EXOC4: variants seen among roughly 807,000 people sequenced by gnomAD.
EXOC4 encodes exocyst complex component 4.
In EXOC4, 71 loss-of-function variants were observed where a neutral mutation model predicts 107.2. That is an observed-to-expected ratio of 0.66 (90% CI 0.55 to 0.81). The LOEUF (loss-of-function observed/expected upper bound fraction) is 0.81. EXOC4 is among the 30% of genes least tolerant of loss of function. The pLI, the probability that EXOC4 is intolerant of heterozygous loss-of-function variation, is 0.00. For synonymous variants in EXOC4, 456 were observed against 441.2 expected (o/e 1.03, Z -0.42); for missense variants, 1,108 against 1,189.6 (o/e 0.93, Z 1.01).
At chr7:133,390,962 A>G (rs541652066) in intron 7 of EXOC4, among the ~76,000 whole-genome samples, 2 of 152,180 alleles carry the variant, frequency 1.3e-5, no homozygotes, top group East Asian at 3.8e-4. Flanking sequence ...CCTTCTTCAC[A>G]GGGGAATTGT....
intron 14 of EXOC4, among the ~76,000 whole-genome samples, chr7:133,971,225 A>T (rs763786915): frequency 9.3e-5 from 14 of 151,224 alleles, no homozygotes; most frequent in Non-Finnish European, 1.5e-4. Flanking sequence ...TAAGAGATTG[A>T]TTTCTCTTTG....
chr7:133,649,285 T>G (rs1803072671), intron 10 of EXOC4, among the ~76,000 whole-genome samples: 1 of 152,118 alleles, frequency 6.6e-6, no homozygotes, highest in Non-Finnish European at 1.5e-5. Context: ...TTATTACTTT[T>G]CCAGCACCAC....
At chr7:133,269,672 A>G (rs1237820568) in intron 1 of EXOC4, among the ~76,000 whole-genome samples, 1 of 152,240 alleles carries the variant, frequency 6.6e-6, no homozygotes, top group African/African-American at 2.4e-5. Context: ...TTACTGTCAA[A>G]GGGATCTTGG....
chr7:133,637,557 T>G (rs1323365801), intron 10 of EXOC4, among the ~76,000 whole-genome samples: 1 of 151,894 alleles, frequency 6.6e-6, no homozygotes, highest in Non-Finnish European at 1.5e-5. Flanking sequence ...TCACATATTA[T>G]TCATGCATGG....
chr7:133,964,314 T>C (rs1801012920), intron 14 of EXOC4, among the ~76,000 whole-genome samples: 1 of 152,102 alleles, frequency 6.6e-6, no homozygotes, highest in Non-Finnish European at 1.5e-5. Context: ...CATATTTTTC[T>C]CTTGAGTTTT....
At chr7:134,049,558 TCTC>T (rs1235038698) in intron 17 of EXOC4, among the ~76,000 whole-genome samples, 4 of 152,226 alleles carry the variant, frequency 2.6e-5, no homozygotes, top group African/African-American at 2.4e-5. Flanking sequence ...GTTGACAACT[TCTC>T]CTTCTCTATT....
intron 17 of EXOC4, among the ~76,000 whole-genome samples, chr7:134,012,522 G>A (rs1427693559): frequency 1.3e-5 from 2 of 152,150 alleles, no homozygotes; most frequent in Non-Finnish European, 1.5e-5. Flanking sequence ...CATAGGAGAG[G>A]CTATTGAAGT....
At chr7:133,323,755 C>G (rs2150590956) in intron 5 of EXOC4, among the ~76,000 whole-genome samples, 1 of 152,232 alleles carries the variant, frequency 6.6e-6, no homozygotes, top group Non-Finnish European at 1.5e-5. Flanking sequence ...CCCTCTTTTT[C>G]TGTTGATTGG....
intron 9 of EXOC4, among the ~76,000 whole-genome samples, chr7:133,607,206 A>G (rs1019033650): frequency 6.6e-6 from 1 of 152,232 alleles, no homozygotes; most frequent in African/African-American, 2.4e-5. Flanking sequence ...TGATTTTTAA[A>G]AAATGCATGA....
At chr7:133,317,491 G>A (rs2150581962) in intron 5 of EXOC4, 101 bp downstream of exon 5, 1 of 768,756 alleles carries the variant, frequency 1.3e-6, no homozygotes. Context: ...GTTGGGCTGG[G>A]CTAGGTGGGC....
chr7:133,580,651 A>G (rs1428817503), intron 9 of EXOC4, among the ~76,000 whole-genome samples: 1 of 152,232 alleles, frequency 6.6e-6, no homozygotes, highest in Non-Finnish European at 1.5e-5. Context: ...CACTGATTGA[A>G]TCAGATCCAA....
intron 10 of EXOC4, among the ~76,000 whole-genome samples, chr7:133,683,103 C>T (rs1794221890): frequency 6.6e-6 from 1 of 152,190 alleles, no homozygotes; most frequent in South Asian, 2.1e-4. Flanking sequence ...CATCTCTCCT[C>T]CTGGTCTTTT....
chr7:133,741,255 T>C (rs999187002), intron 10 of EXOC4, among the ~76,000 whole-genome samples: 1 of 152,160 alleles, frequency 6.6e-6, no homozygotes, highest in African/African-American at 2.4e-5. Flanking sequence ...CACAGGTCTG[T>C]TCTTATTCAT....
At chr7:134,012,795 G>T (rs2116372925) in intron 17 of EXOC4, among the ~76,000 whole-genome samples, 1 of 152,274 alleles carries the variant, frequency 6.6e-6, no homozygotes. Context: ...TTGAGACGCT[G>T]GAGTGCTAGC....
At chr7:133,806,132 G>A (rs956112699) in intron 10 of EXOC4, among the ~76,000 whole-genome samples, 1 of 152,240 alleles carries the variant, frequency 6.6e-6, no homozygotes, top group Non-Finnish European at 1.5e-5. Context: ...TCAGCATAAG[G>A]AGTAATAAAT....
At chr7:134,008,010 A>G (rs1585317739) in intron 17 of EXOC4, 175 bp downstream of exon 17, 4 of 594,000 alleles carry the variant, frequency 6.7e-6, no homozygotes, top group African/African-American at 1.9e-5. Flanking sequence ...AATTCTATTG[A>G]ATTTTGTTAC....
At chr7:133,601,585 A>G (rs1801808250) in intron 9 of EXOC4, among the ~76,000 whole-genome samples, 1 of 152,018 alleles carries the variant, frequency 6.6e-6, no homozygotes, top group South Asian at 2.1e-4. Context: ...TTCCTTTCCC[A>G]CTGCTACTTT....
At chr7:133,689,623 G>C (rs967829698) in intron 10 of EXOC4, among the ~76,000 whole-genome samples, 1 of 152,186 alleles carries the variant, frequency 6.6e-6, no homozygotes, top group African/African-American at 2.4e-5. Flanking sequence ...AAGGTAGTCA[G>C]ATATCAAGGG....
intron 17 of EXOC4, among the ~76,000 whole-genome samples, chr7:134,032,132 G>T (rs1413848862): frequency 6.6e-6 from 1 of 152,170 alleles, no homozygotes; most frequent in African/African-American, 2.4e-5. Context: ...ACCTTGATAT[G>T]AGAAAGAGGC....
Sources: allele counts gnomAD v4.1 joint callset (sites outside exome capture counted in the v4.1 genomes callset), GRCh38; gene constraint gnomAD v4.1.1; transcripts MANE v1.5; gene names NCBI Gene and HGNC (gene_info 2026-07-23, HGNC 2026-07-21).